TENM2: variants seen among roughly 807,000 people sequenced by gnomAD.
TENM2 encodes the protein teneurin-2.
In TENM2, 52 loss-of-function variants were observed where a neutral mutation model predicts 245.2. The observed-to-expected ratio is 0.21, with a 90% CI of 0.17 to 0.27. The LOEUF (loss-of-function observed/expected upper bound fraction) is 0.27, where lower values mean the gene tolerates loss of function less well. TENM2 is among the 10% of genes least tolerant of loss of function. TENM2 has a pLI of 1.00. For missense variants in TENM2, 3,046 were observed against 3,666.8 expected, an observed-to-expected ratio of 0.83 and a Z score of 4.37; for synonymous variants, 1,363 against 1,438.9, an observed-to-expected ratio of 0.95 and a Z score of 1.19.
At chr5:167,844,857 A>AC (rs1374859615) in intron 2 of TENM2, among the ~76,000 whole-genome samples, 2 of 151,526 alleles carry the variant, frequency 1.3e-5, no homozygotes, top group Non-Finnish European at 2.9e-5. Context: ...AAAAAAAAAA[A>AC]AAAAATCCTT....
At chr5:167,090,070 A>C in the TENM2 span, among the ~76,000 whole-genome samples, 9 of 152,118 alleles carry the variant, frequency 5.9e-5, no homozygotes, top group Admixed American at 2.0e-4. Flanking sequence ...AAACAGCCTC[A>C]ATTAATATTG....
intron 2 of TENM2, among the ~76,000 whole-genome samples, chr5:167,506,792 T>G (rs1214213317): frequency 1.3e-5 from 2 of 152,212 alleles, no homozygotes; most frequent in Non-Finnish European, 2.9e-5. Context: ...GTTTTTAGTA[T>G]CATTCATGAA....
At chr5:168,096,881 A>G (rs376212375) in intron 8 of TENM2, among the ~76,000 whole-genome samples, 35 of 150,962 alleles carry the variant, frequency 2.3e-4, no homozygotes, top group African/African-American at 8.5e-4. Context: ...AATAATTTTT[A>G]AAGAATATGA....
chr5:168,001,804 T>C (rs1034204224), intron 5 of TENM2, among the ~76,000 whole-genome samples: 4 of 152,238 alleles, frequency 2.6e-5, no homozygotes, highest in East Asian at 1.9e-4. Context: ...ATTTATTAAA[T>C]TGATGCCTCA....
At chr5:167,393,353 C>G (rs559124605) in intron 2 of TENM2, among the ~76,000 whole-genome samples, 1 of 151,938 alleles carries the variant, frequency 6.6e-6, no homozygotes, top group South Asian at 2.1e-4. Context: ...AAACGGGAGT[C>G]GGAGGGCCAA....
chr5:167,982,757 G>A (rs1782939380), intron 4 of TENM2, among the ~76,000 whole-genome samples: 1 of 152,174 alleles, frequency 6.6e-6, no homozygotes, highest in Admixed American at 6.5e-5. Context: ...ACTATGAAGA[G>A]GGAAGGGTAC....
chr5:167,690,923 ATGTGTGTGTGTGTGTG>A (rs375456466), intron 2 of TENM2, among the ~76,000 whole-genome samples: 46 of 78,784 alleles, frequency 5.8e-4, no homozygotes, highest in Non-Finnish European at 9.5e-4. Flanking sequence ...ATATGCGAGT[ATGTGTGTGTGTGTGTG>A]TGTGTGTGTG....
chr5:167,207,915 A>G, the TENM2 span, among the ~76,000 whole-genome samples: 1 of 152,084 alleles, frequency 6.6e-6, no homozygotes, highest in Non-Finnish European at 1.5e-5. Context: ...CAATGTGCCC[A>G]GCTAATTTTT....
chr5:167,001,936 A>G, the TENM2 span, among the ~76,000 whole-genome samples: 1 of 152,102 alleles, frequency 6.6e-6, no homozygotes, highest in Non-Finnish European at 1.5e-5. Context: ...CACTTATGGA[A>G]AGAGTTACTT....
At chr5:167,098,066 A>G in the TENM2 span, among the ~76,000 whole-genome samples, 1 of 152,172 alleles carries the variant, frequency 6.6e-6, no homozygotes, top group African/African-American at 2.4e-5. Context: ...ATACCAAGCA[A>G]TTGAATTAAG....
At chr5:167,750,076 T>C (rs765948114) in intron 2 of TENM2, among the ~76,000 whole-genome samples, 1 of 152,106 alleles carries the variant, frequency 6.6e-6, no homozygotes, top group Non-Finnish European at 1.5e-5. Context: ...ACTGCAGGAA[T>C]GGTTCATTAT....
At chr5:167,254,875 T>C in the TENM2 span, among the ~76,000 whole-genome samples, 1 of 151,788 alleles carries the variant, frequency 6.6e-6, no homozygotes. Flanking sequence ...TAAGGGCCTG[T>C]GGGGGGATAT....
At chr5:168,010,733 A>G (rs560593380) in intron 5 of TENM2, among the ~76,000 whole-genome samples, 2 of 152,342 alleles carry the variant, frequency 1.3e-5, no homozygotes, top group South Asian at 4.1e-4. Flanking sequence ...GTCAAATGCA[A>G]ACACTCCTAT....
intron 2 of TENM2, among the ~76,000 whole-genome samples, chr5:167,661,153 G>A (rs997252589): frequency 6.6e-6 from 1 of 152,140 alleles, no homozygotes; most frequent in Admixed American, 6.5e-5. Context: ...TAACAATGAT[G>A]CATTTAAATA....
chr5:168,055,507 T>C (rs979386599), intron 6 of TENM2, among the ~76,000 whole-genome samples: 3 of 152,216 alleles, frequency 2.0e-5, no homozygotes, highest in Non-Finnish European at 4.4e-5. Context: ...TGTGACCTGT[T>C]GTCTGCCCCT....
At chr5:167,030,897 G>C in the TENM2 span, among the ~76,000 whole-genome samples, 1 of 152,152 alleles carries the variant, frequency 6.6e-6, no homozygotes, top group Non-Finnish European at 1.5e-5. Flanking sequence ...CTGATGGTGG[G>C]TATTATAACG....
intron 2 of TENM2, among the ~76,000 whole-genome samples, chr5:167,430,620 A>G (rs1334659970): frequency 6.6e-6 from 1 of 152,226 alleles, no homozygotes; most frequent in African/African-American, 2.4e-5. Context: ...GAGGTGGTGC[A>G]GCCTATTAAG....
At chr5:168,083,494 T>C (rs1792182178) in intron 7 of TENM2, among the ~76,000 whole-genome samples, 1 of 152,160 alleles carries the variant, frequency 6.6e-6, no homozygotes, top group Non-Finnish European at 1.5e-5. Flanking sequence ...GTACCTCAGT[T>C]GGAAATGCAG....
the TENM2 span, among the ~76,000 whole-genome samples, chr5:167,092,419 A>G: frequency 7.2e-5 from 11 of 152,216 alleles, no homozygotes. Context: ...TTTCTAGGAA[A>G]GCTATCTGAC....
Sources: gnomAD v4.1 joint callset for allele counts (sites outside exome capture counted in the v4.1 genomes callset) on GRCh38, gnomAD v4.1.1 for gene constraint, MANE v1.5 for transcripts, NCBI Gene and HGNC (gene_info 2026-07-23, HGNC 2026-07-21) for gene names.